The following FBXO4 variants were observed in gnomAD, a reference collection of about 807,000 sequenced individuals.
FBXO4 encodes F-box protein 4.
Under a neutral mutation model 43.7 loss-of-function variants are expected in FBXO4, and 36 were observed. That is an observed-to-expected ratio of 0.82 (90% CI 0.63 to 1.09). The LOEUF (loss-of-function observed/expected upper bound fraction) is 1.09, where lower values mean the gene tolerates loss of function less well. Ranked by LOEUF, FBXO4 falls within the 50% of genes least tolerant of loss-of-function variation. The pLI, the probability that FBXO4 is intolerant of heterozygous loss-of-function variation, is 0.00. For synonymous variants in FBXO4, 180 were observed against 165.6 expected, an observed-to-expected ratio of 1.09 and a Z score of -0.67; for missense variants, 435 against 474.1, an observed-to-expected ratio of 0.92 and a Z score of 0.77.
At chr5:41,960,016 G>T in the FBXO4 span, among the ~76,000 whole-genome samples, 1 of 151,658 alleles carries the variant, frequency 6.6e-6, no homozygotes, top group Non-Finnish European at 1.5e-5. Context: ...TTATTTATTT[G>T]TGCATTGTTC....
chr5:42,027,363 TC>T, the FBXO4 span, among the ~76,000 whole-genome samples: 1 of 152,040 alleles, frequency 6.6e-6, no homozygotes, highest in East Asian at 1.9e-4. Context: ...TCTCTACTGA[TC>T]CTTTGAATTT....
At chr5:41,954,128 G>A in the FBXO4 span, among the ~76,000 whole-genome samples, 38 of 152,068 alleles carry the variant, frequency 2.5e-4, no homozygotes, top group Non-Finnish European at 4.1e-4. Context: ...CAATATAAAA[G>A]TCAAATAATT....
At chr5:42,014,810 C>T in the FBXO4 span, among the ~76,000 whole-genome samples, 2 of 152,212 alleles carry the variant, frequency 1.3e-5, no homozygotes, top group Non-Finnish European at 2.9e-5. Context: ...CTCCTCTAAG[C>T]TAGATGGCAT....
chr5:42,034,413 A>C, the FBXO4 span, among the ~76,000 whole-genome samples: 3 of 151,878 alleles, frequency 2.0e-5, no homozygotes, highest in African/African-American at 7.3e-5. Context: ...ATTGCTTTTG[A>C]CATTTTCGTC....
chr5:42,005,173 C>G, the FBXO4 span, among the ~76,000 whole-genome samples: 1 of 152,112 alleles, frequency 6.6e-6, no homozygotes, highest in African/African-American at 2.4e-5. Flanking sequence ...AGCCGGAGAA[C>G]CTGAGGGTTG....
chr5:41,964,961 G>A, the FBXO4 span, among the ~76,000 whole-genome samples: 1 of 152,092 alleles, frequency 6.6e-6, no homozygotes, highest in African/African-American at 2.4e-5. Flanking sequence ...CCTTGCCCAT[G>A]CCTATGTCCT....
chr5:42,017,811 C>T, the FBXO4 span, among the ~76,000 whole-genome samples: 1 of 151,578 alleles, frequency 6.6e-6, no homozygotes, highest in African/African-American at 2.4e-5. Context: ...GTATTCCATG[C>T]TATGCACCGC....
the FBXO4 span, among the ~76,000 whole-genome samples, chr5:42,005,566 C>T: frequency 6.6e-6 from 1 of 152,160 alleles, no homozygotes. Flanking sequence ...TCCATCTGAA[C>T]TTTTATTGCA....
the FBXO4 span, among the ~76,000 whole-genome samples, chr5:42,006,887 GATAT>G: frequency 4.1e-3 from 322 of 79,106 alleles, 13 homozygotes; most frequent in African/African-American, 0.011. Context: ...GGTTCATGCT[GATAT>G]ATATATATAT....
intron 5 of FBXO4, among the ~76,000 whole-genome samples, chr5:41,938,533 T>A (rs141618402): frequency 9.6e-4 from 146 of 152,330 alleles, no homozygotes; most frequent in Middle Eastern, 3.4e-3. Flanking sequence ...GTTTATTAAT[T>A]TTCAATTTCT....
At chr5:41,930,558 TTGA>T (rs762622726) in intron 3 of FBXO4, among the ~76,000 whole-genome samples, 1 of 152,228 alleles carries the variant, frequency 6.6e-6, no homozygotes, top group African/African-American at 2.4e-5. Flanking sequence ...AGGCTCCATA[TTGA>T]TGATGTCTCA....
chr5:41,937,821 AAAG>A (rs1323063608), intron 5 of FBXO4, among the ~76,000 whole-genome samples: 1 of 152,232 alleles, frequency 6.6e-6, no homozygotes, highest in Non-Finnish European at 1.5e-5. Flanking sequence ...CAGAAGAGGG[AAAG>A]ACAGGGCTGC....
At chr5:41,991,686 G>T in the FBXO4 span, among the ~76,000 whole-genome samples, 1 of 152,150 alleles carries the variant, frequency 6.6e-6, no homozygotes, top group Admixed American at 6.5e-5. Flanking sequence ...CTCCAGCTCT[G>T]CCTTTTAACT....
At chr5:41,998,417 C>T in the FBXO4 span, among the ~76,000 whole-genome samples, 1 of 152,188 alleles carries the variant, frequency 6.6e-6, no homozygotes, top group African/African-American at 2.4e-5. Flanking sequence ...TAATCCACTC[C>T]ACCATCCAAT....
At chr5:41,951,999 A>C in the FBXO4 span, 1 of 313,288 alleles carries the variant, frequency 3.2e-6, no homozygotes, top group Non-Finnish European at 6.2e-6. Context: ...AATCACAGCA[A>C]TGACACGAGC....
chr5:41,970,061 T>A, the FBXO4 span, among the ~76,000 whole-genome samples: 1 of 152,116 alleles, frequency 6.6e-6, no homozygotes, highest in Non-Finnish European at 1.5e-5. Context: ...TATATAGGCA[T>A]TTTACTGTGA....
the FBXO4 span, among the ~76,000 whole-genome samples, chr5:41,953,682 T>C: frequency 1.3e-5 from 2 of 151,208 alleles, no homozygotes; most frequent in Non-Finnish European, 2.9e-5. Context: ...TTTTAATGAT[T>C]GCCATTCTAA....
the FBXO4 span, among the ~76,000 whole-genome samples, chr5:42,036,463 T>C: frequency 7.2e-5 from 11 of 152,272 alleles, no homozygotes; most frequent in East Asian, 1.5e-3. Context: ...GTTTACTCTA[T>C]GGCCCTTTAA....
chr5:41,960,016 G>A, the FBXO4 span, among the ~76,000 whole-genome samples: 1 of 151,658 alleles, frequency 6.6e-6, no homozygotes, highest in African/African-American at 2.4e-5. Flanking sequence ...TTATTTATTT[G>A]TGCATTGTTC....
Sources: gnomAD v4.1 joint callset for allele counts (sites outside exome capture counted in the v4.1 genomes callset) on GRCh38, gnomAD v4.1.1 for gene constraint, MANE v1.5 for transcripts, NCBI Gene and HGNC (gene_info 2026-07-23, HGNC 2026-07-21) for gene names.